Variants in BABAM2 observed in about 807,000 individuals in gnomAD.
BABAM2 encodes BRISC and BRCA1 A complex member 2, also known as BRISC and BRCA1-A complex member 2.
A neutral mutation model predicts 54.7 loss-of-function variants in BABAM2; 31 were observed. That is an observed-to-expected ratio of 0.57 (90% CI 0.43 to 0.77). BABAM2 has a LOEUF of 0.77. BABAM2 is among the 30% of genes least tolerant of loss of function. The probability of loss-of-function intolerance (pLI) is 0.00; values close to 1 mark genes in which losing one functional copy is unlikely to be tolerated. For synonymous variants in BABAM2, 167 were observed against 162.9 expected (o/e 1.03, Z -0.19); for missense variants, 364 against 455.8 (o/e 0.80, Z 1.83).
At chr2:28,105,167 A>G (rs1348518011) in intron 6 of BABAM2, among the ~76,000 whole-genome samples, 1 of 152,202 alleles carries the variant, frequency 6.6e-6, no homozygotes, top group Non-Finnish European at 1.5e-5. Context: ...GTGCGCATGT[A>G]CCCTAGAACT....
chr2:27,940,961 A>T (rs1668833297), intron 3 of BABAM2, among the ~76,000 whole-genome samples: 1 of 151,800 alleles, frequency 6.6e-6, no homozygotes, highest in African/African-American at 2.4e-5. Context: ...TTCTCCCCAC[A>T]TTGGGTAGAA....
intron 7 of BABAM2, among the ~76,000 whole-genome samples, chr2:28,190,695 A>G (rs886805384): frequency 3.3e-5 from 5 of 151,080 alleles, no homozygotes; most frequent in African/African-American, 9.7e-5. Flanking sequence ...TCAAAAAACA[A>G]GGGGGGGGCG....
intron 6 of BABAM2, among the ~76,000 whole-genome samples, chr2:28,089,717 G>A (rs924724428): frequency 6.6e-6 from 1 of 152,190 alleles, no homozygotes; most frequent in Admixed American, 6.5e-5. Flanking sequence ...AATCTTATGA[G>A]TAAGAAGACT....
At chr2:27,975,321 G>C (rs1331748909) in intron 3 of BABAM2, among the ~76,000 whole-genome samples, 1 of 151,998 alleles carries the variant, frequency 6.6e-6, no homozygotes. Flanking sequence ...AATAAAAATG[G>C]AGGAGTCAGA....
chr2:27,964,632 C>T (rs1457359341), intron 3 of BABAM2, among the ~76,000 whole-genome samples: 3 of 152,110 alleles, frequency 2.0e-5, no homozygotes, highest in Admixed American at 1.3e-4. Flanking sequence ...GTAGGAACAA[C>T]ATTAGGGTGT....
At chr2:27,987,888 C>T in intron 3 of BABAM2, 105 bp from the exon 4 acceptor site, 22 of 848,010 alleles carry the variant, frequency 2.6e-5, no homozygotes, top group South Asian at 3.5e-5. Context: ...AAATGGTTTT[C>T]TTAAACTAAT....
chr2:28,069,053 A>G (rs183006561), intron 6 of BABAM2, among the ~76,000 whole-genome samples: 9 of 152,324 alleles, frequency 5.9e-5, no homozygotes, highest in African/African-American at 2.2e-4. Flanking sequence ...GTATATTTAC[A>G]TATCAGTGAG....
At chr2:27,957,824 A>T (rs1420603793) in intron 3 of BABAM2, among the ~76,000 whole-genome samples, 2 of 152,146 alleles carry the variant, frequency 1.3e-5, no homozygotes, top group African/African-American at 4.8e-5. Context: ...ATGCCGTATG[A>T]CTTTCAAGGC....
upstream of BABAM2, chr2:27,890,459 C>A (rs559551018): frequency 7.9e-6 from 8 of 1,009,972 alleles, no homozygotes; most frequent in East Asian, 2.1e-4. This position sits in a 1 kb window ranked among gnomAD's most constrained non-coding sequence, Gnocchi z 4.8. Flanking sequence ...CAGACGCCTA[C>A]GCGGGTCGCC....
intron 6 of BABAM2, among the ~76,000 whole-genome samples, chr2:28,105,370 A>C (rs1667432322): frequency 6.6e-6 from 1 of 152,180 alleles, no homozygotes; most frequent in African/African-American, 2.4e-5. Flanking sequence ...TGACTGTGGT[A>C]TGAAGAAGAG....
intron 8 of BABAM2, 32 bp downstream of exon 8, chr2:28,237,333 T>C (rs1682006161): frequency 7.0e-6 from 11 of 1,573,982 alleles, no homozygotes; most frequent in African/African-American, 1.3e-5. Context: ...ATCCCTCTTA[T>C]GAGATTTCTT....
chr2:28,257,133 A>G (rs1684046528), intron 10 of BABAM2, among the ~76,000 whole-genome samples: 1 of 152,160 alleles, frequency 6.6e-6, no homozygotes, highest in Non-Finnish European at 1.5e-5. Flanking sequence ...CCATTTGCAT[A>G]TTGTATACTC....
chr2:28,237,630 C>T (rs1316515535), intron 8 of BABAM2, among the ~76,000 whole-genome samples: 3 of 152,192 alleles, frequency 2.0e-5, no homozygotes, highest in Admixed American at 6.5e-5. Flanking sequence ...AACTTTAAAA[C>T]TTTGGAACCC....
At chr2:28,170,739 T>C (rs763400057) in intron 7 of BABAM2, among the ~76,000 whole-genome samples, 19 of 152,190 alleles carry the variant, frequency 1.2e-4, no homozygotes, top group Non-Finnish European at 2.6e-4. Context: ...TATTATTTTG[T>C]ATTTTGTCAT....
chr2:28,270,352 T>C (rs1685319731), intron 10 of BABAM2, among the ~76,000 whole-genome samples: 1 of 152,132 alleles, frequency 6.6e-6, no homozygotes, highest in Admixed American at 6.6e-5. Flanking sequence ...AACTCCTGGC[T>C]TCAAGCATTC....
chr2:27,974,345 A>G (rs1178380153), intron 3 of BABAM2, among the ~76,000 whole-genome samples: 1 of 152,172 alleles, frequency 6.6e-6, no homozygotes, highest in Non-Finnish European at 1.5e-5. Flanking sequence ...TATAAAATAC[A>G]TACATATATA....
intron 3 of BABAM2, among the ~76,000 whole-genome samples, chr2:27,931,365 A>G (rs1279649218): frequency 6.6e-6 from 1 of 152,230 alleles, no homozygotes; most frequent in Non-Finnish European, 1.5e-5. Flanking sequence ...AATCACTTGC[A>G]GATTCTAAAA....
intron 3 of BABAM2, among the ~76,000 whole-genome samples, chr2:27,968,815 T>G (rs2148446196): frequency 6.6e-6 from 1 of 152,350 alleles, no homozygotes; most frequent in South Asian, 2.1e-4. Context: ...GCTTTTGATT[T>G]TATAGGCTCA....
intron 2 of BABAM2, among the ~76,000 whole-genome samples, chr2:27,900,887 C>G (rs1277286603): frequency 6.6e-6 from 1 of 151,708 alleles, no homozygotes; most frequent in African/African-American, 2.4e-5. Flanking sequence ...ACTAAAAATA[C>G]AAAAAATTAG....
Sources: gnomAD v4.1 joint callset for allele counts (sites outside exome capture counted in the v4.1 genomes callset) on GRCh38, gnomAD v4.1.1 for gene constraint, Gnocchi (gnomAD v3.1) non-coding constraint, MANE v1.5 for transcripts, NCBI Gene and HGNC (gene_info 2026-07-23, HGNC 2026-07-21) for gene names.